The following CDH12 variants were observed in gnomAD, a reference collection of about 807,000 sequenced individuals.
CDH12 encodes the protein cadherin-12.
In CDH12, 41 loss-of-function variants were observed where a neutral mutation model predicts 74.1. That is an observed-to-expected ratio of 0.55 (90% confidence interval 0.43 to 0.72). The LOEUF is 0.72. CDH12 is among the 30% of genes least tolerant of loss of function. CDH12 has a pLI of 0.00. For missense variants in CDH12, 945 were observed against 977.2 expected, an observed-to-expected ratio of 0.97 and a Z score of 0.44; for synonymous variants, 399 against 355.0, an observed-to-expected ratio of 1.12 and a Z score of -1.39.
chr5:22,392,678 A>C (rs1156556434), intron 3 of CDH12, among the ~76,000 whole-genome samples: 1 of 152,180 alleles, frequency 6.6e-6, no homozygotes, highest in Non-Finnish European at 1.5e-5. Context: ...GACATGTGAA[A>C]ATTGTTTAAA....
intron 5 of CDH12, among the ~76,000 whole-genome samples, chr5:22,052,815 T>C (rs1240329925): frequency 6.6e-6 from 1 of 152,044 alleles, no homozygotes; most frequent in East Asian, 1.9e-4. Context: ...AAATTCTTTA[T>C]CATGAAAGTA....
intron 2 of CDH12, among the ~76,000 whole-genome samples, chr5:22,410,067 A>G (rs1199386865): frequency 6.6e-6 from 1 of 152,116 alleles, no homozygotes; most frequent in Non-Finnish European, 1.5e-5. Flanking sequence ...TGAATAGTAA[A>G]AATGACAGGA....
intron 3 of CDH12, among the ~76,000 whole-genome samples, chr5:22,308,191 T>A (rs990058434): frequency 6.6e-6 from 1 of 152,030 alleles, no homozygotes; most frequent in African/African-American, 2.4e-5. Context: ...TAGATTCTTT[T>A]TAAGTCATAT....
At chr5:22,795,690 A>C (rs1360734667) in intron 1 of CDH12, among the ~76,000 whole-genome samples, 2 of 151,782 alleles carry the variant, frequency 1.3e-5, no homozygotes, top group Non-Finnish European at 2.9e-5. Flanking sequence ...AGGTGGAAGC[A>C]TACATACACT....
At chr5:22,600,850 C>T (rs1241755730) in intron 1 of CDH12, among the ~76,000 whole-genome samples, 1 of 151,976 alleles carries the variant, frequency 6.6e-6, no homozygotes, top group African/African-American at 2.4e-5. Context: ...TACAGTAATT[C>T]AAGTATTTCA....
intron 4 of CDH12, among the ~76,000 whole-genome samples, chr5:22,100,031 T>G (rs1744047014): frequency 6.6e-6 from 1 of 152,124 alleles, no homozygotes; most frequent in Admixed American, 6.6e-5. Context: ...GAAGCAGCCC[T>G]GAGAAACATC....
intron 3 of CDH12, among the ~76,000 whole-genome samples, chr5:22,394,458 C>T (rs752631189): frequency 5.3e-5 from 8 of 152,022 alleles, no homozygotes; most frequent in Non-Finnish European, 1.2e-4. Flanking sequence ...TGTGAACCTT[C>T]AAGGAAAAGG....
intron 1 of CDH12, among the ~76,000 whole-genome samples, chr5:22,793,909 T>C (rs1343780501): frequency 6.6e-6 from 1 of 152,184 alleles, no homozygotes; most frequent in Non-Finnish European, 1.5e-5. Context: ...ATTACTATTA[T>C]TGCATTGATA....
chr5:21,788,955 G>C (rs1364434258), intron 10 of CDH12, among the ~76,000 whole-genome samples: 3 of 151,420 alleles, frequency 2.0e-5, no homozygotes, highest in Non-Finnish European at 4.4e-5. Context: ...TCTTTTTTGT[G>C]TATTTCTTCT....
chr5:21,871,453 G>A (rs1039062038), intron 6 of CDH12, among the ~76,000 whole-genome samples: 2 of 152,114 alleles, frequency 1.3e-5, no homozygotes, highest in Admixed American at 6.6e-5. Context: ...AACAAATACC[G>A]CTGGGCGCAG....
intron 3 of CDH12, among the ~76,000 whole-genome samples, chr5:22,293,692 T>C (rs1037670093): frequency 2.0e-5 from 3 of 152,100 alleles, no homozygotes; most frequent in African/African-American, 7.2e-5. Flanking sequence ...TCATTTGTGA[T>C]GACATGGATG....
chr5:22,153,536 G>C (rs1254690120), intron 4 of CDH12, among the ~76,000 whole-genome samples: 1 of 150,892 alleles, frequency 6.6e-6, no homozygotes. Flanking sequence ...TTTGTATTTT[G>C]GATTTGAAAC....
chr5:22,428,400 T>C (rs1302833779), intron 2 of CDH12, among the ~76,000 whole-genome samples: 1 of 152,134 alleles, frequency 6.6e-6, no homozygotes, highest in Non-Finnish European at 1.5e-5. Flanking sequence ...AAATGGTTTA[T>C]TGCAGTGTTT....
At chr5:22,571,331 CT>C (rs534894225) in intron 1 of CDH12, among the ~76,000 whole-genome samples, 27 of 145,468 alleles carry the variant, frequency 1.9e-4, no homozygotes, top group Middle Eastern at 3.6e-3. Context: ...TCTAACTTTT[CT>C]TTTTTTTTTT....
At chr5:22,331,677 C>CA (rs1431716288) in intron 3 of CDH12, among the ~76,000 whole-genome samples, 1 of 152,090 alleles carries the variant, frequency 6.6e-6, no homozygotes, top group African/African-American at 2.4e-5. Context: ...CATCAGAGAC[C>CA]AAATACTGGA....
intron 8 of CDH12, among the ~76,000 whole-genome samples, chr5:21,817,348 G>A (rs571403721): frequency 6.6e-6 from 1 of 152,008 alleles, no homozygotes; most frequent in African/African-American, 2.4e-5. Flanking sequence ...TTTTAACTGG[G>A]CATTATAAAT....
intron 3 of CDH12, among the ~76,000 whole-genome samples, chr5:22,265,324 G>C (rs561075055): frequency 1.2e-4 from 18 of 152,242 alleles, no homozygotes; most frequent in African/African-American, 4.1e-4. Flanking sequence ...ACTTTCCCTT[G>C]TCAATTAGTT....
chr5:21,917,421 T>C (rs1754148924), intron 6 of CDH12, among the ~76,000 whole-genome samples: 2 of 152,214 alleles, frequency 1.3e-5, no homozygotes, highest in Admixed American at 6.5e-5. Flanking sequence ...TCTGAAGTCA[T>C]TATATAAAAA....
intron 5 of CDH12, among the ~76,000 whole-genome samples, chr5:21,998,751 G>A (rs952432878): frequency 2.6e-5 from 4 of 152,012 alleles, no homozygotes; most frequent in Non-Finnish European, 2.9e-5. Flanking sequence ...TGTGTCATTT[G>A]AATGAGGGAA....
Sources: gnomAD v4.1 joint callset for allele counts (sites outside exome capture counted in the v4.1 genomes callset) on GRCh38, gnomAD v4.1.1 for gene constraint, MANE v1.5 for transcripts, NCBI Gene and HGNC (gene_info 2026-07-23, HGNC 2026-07-21) for gene names.